The following METTL16 variants were observed in gnomAD, a reference collection of about 807,000 sequenced individuals.
The protein encoded by METTL16 is RNA N(6)-adenosine-methyltransferase METTL16.
METTL16 carries 19 observed loss-of-function variants against 57.9 expected under a neutral mutation model. That is an observed-to-expected ratio of 0.33 (90% CI 0.23 to 0.48). The LOEUF is 0.48. Ranked by LOEUF, METTL16 falls within the 20% of genes least tolerant of loss-of-function variation. METTL16 has a pLI of 0.99. For synonymous variants in METTL16, 246 were observed against 255.6 expected, an observed-to-expected ratio of 0.96 and a Z score of 0.36; for missense variants, 434 against 691.5, an observed-to-expected ratio of 0.63 and a Z score of 4.18.
chr17:2,434,692 G>A (rs779234334), intron 8 of METTL16, among the ~76,000 whole-genome samples: 7 of 152,196 alleles, frequency 4.6e-5, no homozygotes, highest in Non-Finnish European at 8.8e-5. Flanking sequence ...AACCTAAGGA[G>A]AAGGGAGCTG....
At chr17:2,487,995 A>G (rs1322088788) in intron 2 of METTL16, among the ~76,000 whole-genome samples, 2 of 152,008 alleles carry the variant, frequency 1.3e-5, no homozygotes, top group Non-Finnish European at 2.9e-5. Flanking sequence ...ACAGAGCAAG[A>G]CCCAGTCTCA....
At chr17:2,509,572 C>T (rs1272936534) in intron 1 of METTL16, among the ~76,000 whole-genome samples, 1 of 152,084 alleles carries the variant, frequency 6.6e-6, no homozygotes, top group Non-Finnish European at 1.5e-5. Context: ...AAATAATAGA[C>T]TTTATTAAAA....
intron 6 of METTL16, among the ~76,000 whole-genome samples, chr17:2,462,491 T>A (rs139543446): frequency 6.6e-6 from 1 of 152,208 alleles, no homozygotes. Flanking sequence ...CCAAATCTCA[T>A]GTCAAACTGT....
At chr17:2,480,530 G>T (rs977772166) in intron 2 of METTL16, among the ~76,000 whole-genome samples, 8 of 152,080 alleles carry the variant, frequency 5.3e-5, no homozygotes, top group African/African-American at 1.7e-4. Context: ...GCCAGACCTT[G>T]GTTTCCAAAT....
rs540055978 is a variant in METTL16, at chr17:2,418,096, T to A, written c.*1874A>T. On this transcript the variant is annotated 3_prime_UTR_variant, in exon 10 of 10. Transcript: ENST00000263092. Reference sequence around the variant, plus strand: ...GTATTGTTTTTTGCAGCCTGACACATGAATGCTTGGACTAGAATAATGATT... The same window carrying A: ...GTATTGTTTTTTGCAGCCTGACACAAGAATGCTTGGACTAGAATAATGATT... The A allele has an allele frequency of 6.6e-6, 1 of 152,136 alleles. No homozygotes were observed. The highest frequency in any genetic ancestry group is 2.4e-5 in the African/African-American group (1 of 41,514). 9.4% of individuals were successfully genotyped at this position (152,136 alleles called of 1,614,324 possible). A position where few individuals can be genotyped will look rare whatever the true frequency, so the allele number is the denominator to read the frequency against.
At chr17:2,485,839 C>T (rs1379941523) in intron 2 of METTL16, among the ~76,000 whole-genome samples, 2 of 152,124 alleles carry the variant, frequency 1.3e-5, no homozygotes, top group African/African-American at 4.8e-5. Flanking sequence ...AAAACTATAA[C>T]TGCGACAGAT....
intron 2 of METTL16, among the ~76,000 whole-genome samples, chr17:2,487,291 TG>T (rs2067350478): frequency 6.6e-6 from 1 of 152,166 alleles, no homozygotes; most frequent in Admixed American, 6.5e-5. Flanking sequence ...TAAGCGGAGA[TG>T]GAGCCCAGAG....
At chr17:2,473,502 G>C (rs2067249065) in intron 4 of METTL16, 22 bp downstream of exon 4, 1 of 1,595,210 alleles carries the variant, frequency 6.3e-7, no homozygotes, top group South Asian at 1.1e-5. Flanking sequence ...AAGTTTGGAG[G>C]CATTCATTCT....
intron 8 of METTL16, among the ~76,000 whole-genome samples, chr17:2,427,837 G>C (rs1420459024): frequency 1.3e-5 from 2 of 151,950 alleles, no homozygotes; most frequent in African/African-American, 4.8e-5. Flanking sequence ...GTATATGCTG[G>C]GTACAGTGGC....
At chr17:2,510,189 G>A (rs1428995555) in intron 1 of METTL16, among the ~76,000 whole-genome samples, 2 of 152,178 alleles carry the variant, frequency 1.3e-5, no homozygotes, top group African/African-American at 2.4e-5. Context: ...ATTTATGGGG[G>A]ACATGTGACA....
intron 3 of METTL16, among the ~76,000 whole-genome samples, chr17:2,473,928 T>C (rs1198509752): frequency 6.6e-6 from 1 of 152,134 alleles, no homozygotes; most frequent in Admixed American, 6.5e-5. Context: ...CTGTAATTTT[T>C]GTATTTTTTG....
At position 2,428,580 on chromosome 17, in the gene METTL16, TA is replaced by T. The variant is rs1567881578; in HGVS notation, c.889-7677del. ...AAAAAAAAAAATATATATATATATA[TA>T]TATATATATATATATATATATAAAT... On this transcript the variant is annotated intron_variant, in intron 8 of 9. Transcript: ENST00000263092. 5.4e-4 allele frequency among the ~76,000 whole-genome samples: 20 copies of T among 36,898 alleles called. 5 individuals are homozygous for T. The highest frequency in any genetic ancestry group is 1.9e-3 in the African/African-American group (15 of 7,974). 24.2% of individuals were successfully genotyped at this position (36,898 alleles called of 152,430 possible). A position where few individuals can be genotyped will look rare whatever the true frequency, so the allele number is the denominator to read the frequency against.
intron 1 of METTL16, among the ~76,000 whole-genome samples, chr17:2,508,814 G>A (rs1356587938): frequency 6.6e-6 from 1 of 152,128 alleles, no homozygotes; most frequent in Admixed American, 6.6e-5. Context: ...CATTAAAAAG[G>A]CAGGCATAAT....
At chr17:2,499,331 CT>C (rs1004416909) in intron 2 of METTL16, among the ~76,000 whole-genome samples, 10,847 of 127,572 alleles carry the variant, frequency 0.085, 600 homozygotes, top group African/African-American at 0.14. Context: ...AAAACTATAT[CT>C]TTTTTTTTTT....
At chr17:2,442,275 C>T (rs2066958753) in intron 6 of METTL16, among the ~76,000 whole-genome samples, 1 of 152,136 alleles carries the variant, frequency 6.6e-6, no homozygotes, top group Non-Finnish European at 1.5e-5. Context: ...ACTGGCAGTG[C>T]AGACCTACAG....
At chr17:2,457,298 A>G (rs2067118098) in intron 6 of METTL16, among the ~76,000 whole-genome samples, 1 of 141,448 alleles carries the variant, frequency 7.1e-6, no homozygotes, top group Non-Finnish European at 1.5e-5. Context: ...AGATCGCGCC[A>G]CTGCACTCCA....
At chr17:2,435,236 AG>A (rs746892543) in intron 8 of METTL16, among the ~76,000 whole-genome samples, 14 of 152,332 alleles carry the variant, frequency 9.2e-5, no homozygotes, top group South Asian at 4.1e-4. Flanking sequence ...ACGAGTCAGT[AG>A]GCCTGAGATA....
intron 2 of METTL16, among the ~76,000 whole-genome samples, chr17:2,478,314 G>A (rs896723348): frequency 1.3e-5 from 2 of 152,164 alleles, no homozygotes; most frequent in African/African-American, 4.8e-5. Context: ...TTTTACAAAT[G>A]CTAGCTGTTT....
chr17:2,495,965 T>C (rs956030706), intron 2 of METTL16, among the ~76,000 whole-genome samples: 1 of 150,016 alleles, frequency 6.7e-6, no homozygotes, highest in Non-Finnish European at 1.5e-5. Context: ...CAAAAATTAT[T>C]TGGGCGTGGC....
Sources: allele counts gnomAD v4.1 joint callset (sites outside exome capture counted in the v4.1 genomes callset), GRCh38; gene constraint gnomAD v4.1.1; transcripts MANE v1.5; gene names NCBI Gene and HGNC (gene_info 2026-07-23, HGNC 2026-07-21).